Variants in SLF1 observed in about 807,000 individuals in gnomAD.
SLF1 encodes the protein SMC5/6 complex localization factor 1, also known as SMC5-SMC6 complex localization factor protein 1.
A neutral mutation model predicts 123.0 loss-of-function variants in SLF1; 105 were observed. The observed-to-expected ratio is 0.85, with a 90% CI of 0.73 to 1.00. SLF1 has a LOEUF of 1.00. SLF1 is among the 50% of genes least tolerant of loss of function. The pLI, the probability that SLF1 is intolerant of heterozygous loss-of-function variation, is 0.00. For synonymous variants in SLF1, 434 were observed against 406.6 expected, an observed-to-expected ratio of 1.07 and a Z score of -0.81; for missense variants, 1,239 against 1,223.0, an observed-to-expected ratio of 1.01 and a Z score of -0.20.
At chr5:94,661,052 G>A (rs1259512488) in intron 9 of SLF1, among the ~76,000 whole-genome samples, 4 of 152,168 alleles carry the variant, frequency 2.6e-5, no homozygotes, top group Non-Finnish European at 5.9e-5. Context: ...GGGCCACAGA[G>A]CAGGATGTAG....
intron 4 of SLF1, among the ~76,000 whole-genome samples, chr5:94,637,116 T>C (rs1271437581): frequency 2.0e-5 from 3 of 152,216 alleles, no homozygotes; most frequent in African/African-American, 7.2e-5. Context: ...GTTAATTTCT[T>C]TGGAGGTGCC....
At chr5:94,673,200 A>T (rs1750663240) in intron 14 of SLF1, among the ~76,000 whole-genome samples, 2 of 150,876 alleles carry the variant, frequency 1.3e-5, no homozygotes, top group African/African-American at 2.4e-5. Context: ...ACAGTTCTGT[A>T]TTCTAGATTC....
chr5:94,680,227 C>G (rs1377833020), intron 15 of SLF1, among the ~76,000 whole-genome samples: 1 of 152,116 alleles, frequency 6.6e-6, no homozygotes, highest in East Asian at 1.9e-4. Context: ...TCGATGATGC[C>G]CTCTGCAGAG....
At chr5:94,625,469 C>T (rs936381658) in intron 1 of SLF1, among the ~76,000 whole-genome samples, 5 of 151,522 alleles carry the variant, frequency 3.3e-5, no homozygotes, top group African/African-American at 4.8e-5. Flanking sequence ...CTGCAACCTC[C>T]GCCTCCTGGG....
intron 1 of SLF1, among the ~76,000 whole-genome samples, chr5:94,627,691 T>TA (rs1744673138): frequency 6.7e-6 from 1 of 148,562 alleles, no homozygotes; most frequent in Non-Finnish European, 1.5e-5. Flanking sequence ...CTAAATGCTG[T>TA]GAGACCATGA....
chr5:94,621,883 TACAC>T (rs145332421), intron 1 of SLF1, among the ~76,000 whole-genome samples: 25,456 of 150,290 alleles, frequency 0.17, 2,361 homozygotes, highest in East Asian at 0.32. Flanking sequence ...TTAATATTTA[TACAC>T]ACACACACAC....
chr5:94,673,834 AT>A (rs951325261), intron 14 of SLF1, among the ~76,000 whole-genome samples: 45 of 147,294 alleles, frequency 3.1e-4, no homozygotes, highest in South Asian at 6.4e-4. Flanking sequence ...TTGAGGTACT[AT>A]TTTTTTTTTT....
intron 1 of SLF1, chr5:94,620,168 C>T (rs941894999): frequency 2.0e-5 from 3 of 152,266 alleles, no homozygotes; most frequent in Non-Finnish European, 2.9e-5. Flanking sequence ...GCGTGAGCCA[C>T]CGGGTAACTC....
intron 12 of SLF1, among the ~76,000 whole-genome samples, chr5:94,667,861 G>T (rs111331717): frequency 6.6e-6 from 1 of 152,140 alleles, no homozygotes; most frequent in African/African-American, 2.4e-5. Context: ...TGATCCTCCC[G>T]CCTCAGCCTC....
At chr5:94,649,911 A>G (rs1301966628) in intron 6 of SLF1, among the ~76,000 whole-genome samples, 2 of 152,182 alleles carry the variant, frequency 1.3e-5, no homozygotes, top group African/African-American at 2.4e-5. Flanking sequence ...TGTGTCTTAT[A>G]AAGCATTTTT....
chr5:94,656,758 G>A (rs1163085846), intron 9 of SLF1, among the ~76,000 whole-genome samples: 2 of 151,570 alleles, frequency 1.3e-5, no homozygotes, highest in Non-Finnish European at 3.0e-5. Context: ...TTTCTGATTC[G>A]TTGGTGTATA....
intron 17 of SLF1, 105 bp from the exon 18 acceptor site, chr5:94,689,368 A>T (rs1287545713): frequency 1.7e-6 from 2 of 1,147,644 alleles, no homozygotes; most frequent in African/African-American, 1.6e-5. Flanking sequence ...TGAGTAAGGG[A>T]GTTTAAATTA....
At chr5:94,638,756 G>A (rs949523180) in intron 4 of SLF1, among the ~76,000 whole-genome samples, 10 of 152,170 alleles carry the variant, frequency 6.6e-5, no homozygotes, top group African/African-American at 2.4e-4. Flanking sequence ...AAGTTCTGTG[G>A]TTTACGCCGG....
chr5:94,691,637 A>C lies in SLF1; in HGVS notation c.2493A>C (p.Gly831=). The C allele has an allele frequency of 6.2e-7, 1 of 1,610,410 alleles. No homozygotes were observed. The highest frequency in any genetic ancestry group is 8.5e-7 in the Non-Finnish European group (1 of 1,178,712). ...EKLILLLSLP[G]IDINVKDNAG... The stretch of plus-strand genomic sequence containing the variant: ...TGATTCTTCTTCTCTCTTTGCCAGG[A>C]ATAGACATCAATGTTAAAGGTAAGT... Residue 831 remains glycine (G), a synonymous_variant, in exon 19 of 21, where the codon GGA becomes GGC. Coordinates refer to ENST00000265140, the MANE Select transcript of SLF1 (RefSeq NM_032290.4).
chr5:94,623,113 A>G (rs1739250930), intron 1 of SLF1, among the ~76,000 whole-genome samples: 2 of 152,186 alleles, frequency 1.3e-5, no homozygotes, highest in Non-Finnish European at 2.9e-5. Context: ...CTAAAAAGCT[A>G]GTTTATAATA....
intron 10 of SLF1, among the ~76,000 whole-genome samples, chr5:94,662,656 G>C (rs1749268546): frequency 6.6e-6 from 1 of 152,036 alleles, no homozygotes; most frequent in Admixed American, 6.5e-5. Context: ...ACTACTTTTA[G>C]ATTAAAATTT....
intron 5 of SLF1, among the ~76,000 whole-genome samples, chr5:94,647,025 T>G (rs984466387): frequency 2.0e-5 from 3 of 152,172 alleles, no homozygotes; most frequent in African/African-American, 4.8e-5. Context: ...GGTAAGTAAC[T>G]TGCCCAAGAT....
chr5:94,628,744 AAAT>A (rs768328504), intron 1 of SLF1, 64 bp from the exon 2 acceptor site: 5 of 1,077,316 alleles, frequency 4.6e-6, no homozygotes, highest in Non-Finnish European at 6.4e-6. Flanking sequence ...AGTTAAGAAA[AAAT>A]AATGTCAACC....
At chr5:94,634,391 T>C (rs1443549150) in intron 4 of SLF1, among the ~76,000 whole-genome samples, 1 of 152,202 alleles carries the variant, frequency 6.6e-6, no homozygotes, top group Non-Finnish European at 1.5e-5. Flanking sequence ...TCTATAAATC[T>C]AATTTTCTTT....
Sources: allele counts gnomAD v4.1 joint callset (sites outside exome capture counted in the v4.1 genomes callset), GRCh38; gene constraint gnomAD v4.1.1; transcripts MANE v1.5; gene names NCBI Gene and HGNC (gene_info 2026-07-23, HGNC 2026-07-21).